The following RGS16 variants were observed in gnomAD, a reference collection of about 807,000 sequenced individuals.
RGS16 encodes regulator of G protein signaling 16.
RGS16 carries 12 observed loss-of-function variants against 18.1 expected under a neutral mutation model. The ratio of observed to expected loss-of-function variants is 0.66; its 90% CI spans 0.42 to 1.07. The LOEUF (loss-of-function observed/expected upper bound fraction) is 1.07. Ranked by LOEUF, RGS16 falls within the 50% of genes least tolerant of loss-of-function variation. The pLI, the probability that RGS16 is intolerant of heterozygous loss-of-function variation, is 0.00. For missense variants in RGS16, 238 were observed against 249.2 expected (o/e 0.95, Z 0.30); for synonymous variants, 88 against 102.0 (o/e 0.86, Z 0.83).
At chr1:182,603,186 C>G (rs1415897368) in intron 2 of RGS16, 43 bp downstream of exon 2, 3 of 1,418,806 alleles carry the variant, frequency 2.1e-6, no homozygotes, top group African/African-American at 2.8e-5. Context: ...TCCCTTCCCA[C>G]TCCCTTCCCT....
Position 182,600,355 on chromosome 1 carries a change from G to A in RGS16, c.546C>T (p.Ala182=), listed in dbSNP as rs1396792250. ...GAGTGGCAGAGGCGGCTGAGGCTTG[G>A]GCAGCCAGGTCCCGGTAAGCAGGCG... is the stretch of plus-strand genomic sequence containing the variant. ...LKSPAYRDLA[A]QASAASATLS... The change falls in exon 5 of 5, where the codon GCC becomes GCT. Residue 182 remains alanine (A), a synonymous_variant. Coordinates refer to ENST00000367558, the MANE Select transcript of RGS16 (RefSeq NM_002928.4). 1 of 1,613,914 alleles carries A rather than the reference G, an allele frequency of 6.2e-7. No homozygotes were observed. The highest frequency in any genetic ancestry group is 2.2e-5 in the East Asian group (1 of 44,856).
At chr1:182,602,740 C>T (rs909658808) in intron 2 of RGS16, among the ~76,000 whole-genome samples, 4 of 152,190 alleles carry the variant, frequency 2.6e-5, no homozygotes, top group African/African-American at 9.7e-5. Context: ...AAGCCTGTCT[C>T]GTCTCTGTCC....
Position 182,604,340 on chromosome 1 carries a change from C to T in RGS16, c.-81G>A. On this transcript the variant is annotated 5_prime_UTR_variant, in exon 1 of 5. Transcript: ENST00000367558. ...CTCCGCGTGCGCCAGGAAGCAAAGG[C>T]GCGGTAGCAGGTGCTAGTCAACTGC... The T allele has an allele frequency of 2.8e-6, 4 of 1,419,278 alleles. No individual in the cohort carries two copies. Among genetic ancestry groups the T allele is most frequent in the East Asian group, 2.6e-5 (1 of 38,186 alleles). The allele number at this position is 1,419,278 out of a possible 1,614,324, so 87.9% of individuals were successfully genotyped here.
chr1:182,598,747 C>T lies in RGS16; in HGVS notation c.*1545G>A, dbSNP rs551145321. 1 of 152,704 alleles carries T rather than the reference C, an allele frequency of 6.5e-6. No homozygotes were observed. The highest frequency in any genetic ancestry group is 6.5e-5 in the Admixed American group (1 of 15,292). The allele number at this position is 152,704 out of a possible 1,614,324, so 9.5% of individuals were successfully genotyped here. A position where few individuals can be genotyped will look rare whatever the true frequency, so the allele number is the denominator to read the frequency against. On this transcript the variant is annotated 3_prime_UTR_variant, in exon 5 of 5. Coordinates refer to ENST00000367558, the MANE Select transcript of RGS16 (RefSeq NM_002928.4). ...TTGTCACAATAAATAAATATTTAAA[C>T]AGTGAGGAGTTCCTGACAGGCTCCA... is the stretch of plus-strand genomic sequence containing the variant.
At chr1:182,601,844 C>T (rs1468651308) in intron 4 of RGS16, 122 bp downstream of exon 4, 2 of 1,230,544 alleles carry the variant, frequency 1.6e-6, no homozygotes, top group Non-Finnish European at 2.4e-6. Flanking sequence ...CCCAGTCACC[C>T]CTGTGCCAAG....
At position 182,601,989 on chromosome 1, in the gene RGS16, T is replaced by C; in HGVS notation, c.364A>G (p.Ile122Val). The change falls in exon 4 of 5, where the codon ATT becomes GTT. Residue 122 changes from isoleucine to valine, a missense_variant. Physicochemically the swap from Ile to Val is conservative, Grantham distance 29 (BLOSUM62 3). Coordinates refer to ENST00000367558, the MANE Select transcript of RGS16 (RefSeq NM_002928.4). ...SRAHQIFEEFICSEAPKEVNI... is the reference protein window; with the variant it reads ...SRAHQIFEEFVCSEAPKEVNI... ...ACCTCTTTAGGGGCCTCACTGCAAA[T>C]GAACTCCTCAAAGATCTGGTGTGCC... 6.2e-7 allele frequency: 1 copy of C among 1,614,110 alleles called. No homozygotes were observed. Among genetic ancestry groups the C allele is most frequent in the Non-Finnish European group, 8.5e-7 (1 of 1,180,012 alleles).
Position 182,602,015 on chromosome 1 carries a change from C to G in RGS16, c.338G>C (p.Arg113Thr). The G allele has an allele frequency of 6.2e-7, 1 of 1,614,166 alleles. No individual in the cohort carries two copies. Among genetic ancestry groups the G allele is most frequent in the Non-Finnish European group, 8.5e-7 (1 of 1,180,038 alleles). The change falls in exon 4 of 5, where the codon AGG (arginine) becomes ACG (threonine). Residue 113 changes from arginine to threonine, a missense_variant. Arg to Thr is a moderately conservative substitution (Grantham distance 71, BLOSUM62 -1). Coordinates refer to ENST00000367558, the MANE Select transcript of RGS16 (RefSeq NM_002928.4). ...KIRSATKLAS[R>T]AHQIFEEFIC... ...GAACTCCTCAAAGATCTGGTGTGCC[C>G]TGGAGGCCAGCTTGGTAGCTGATCG... is the stretch of plus-strand genomic sequence containing the variant.
rs143272517 is a variant in RGS16 at position 182,602,113 on chromosome 1, G to A, written c.240C>T (p.His80=). 1.6e-4 allele frequency: 258 copies of A among 1,614,176 alleles called. 1 individual carries two copies. The Admixed American group carries it at 4.0e-3, about 25-fold the overall frequency. Residue 80 remains histidine, a synonymous_variant, in exon 4 of 5, where the codon CAC becomes CAT. Transcript: ENST00000367558. ...LSSKNGVAAF[H]AFLKTEFSEE... is the part of the protein sequence containing the mutation. ...CACTGAACTCTGTCTTCAGGAAAGC[G>A]TGGAAGGCAGCCACTCCATCTGGGG...
intron 3 of RGS16, 86 bp from the exon 4 acceptor site, chr1:182,602,218 G>T: frequency 7.0e-7 from 1 of 1,429,788 alleles, no homozygotes; most frequent in Non-Finnish European, 9.8e-7. Context: ...TGCAATTAAT[G>T]GCTCTATTTT....
rs929057729 is a variant in RGS16 at position 182,599,524 on chromosome 1, C to G, written c.*768G>C. 1 of 152,674 alleles carries G rather than the reference C, an allele frequency of 6.5e-6. No homozygotes were observed. The highest frequency in any genetic ancestry group is 2.4e-5 in the African/African-American group (1 of 41,458). 9.5% of individuals were successfully genotyped at this position (152,674 alleles called of 1,614,324 possible). On this transcript the variant is annotated 3_prime_UTR_variant, in exon 5 of 5. Transcript: ENST00000367558. ...AGGGCGGGCCTGCTCACAGGTGGAC[C>G]CTGCTGCAACGCAGGGTCAGGGGCC...
Position 182,600,085 on chromosome 1 carries a change from C to T in RGS16, c.*207G>A, listed in dbSNP as rs1044551130. ...ATTCACAGGTCCTGGAAGTGGGCGG[C>T]TCCTCTCCAGCATGAGTCCCACAGT... On this transcript the variant is annotated 3_prime_UTR_variant, in exon 5 of 5. Coordinates refer to ENST00000367558, the MANE Select transcript of RGS16 (RefSeq NM_002928.4). 10 of 588,956 alleles carry T rather than the reference C, an allele frequency of 1.7e-5. No homozygotes were observed. Among genetic ancestry groups the T allele is most frequent in the Non-Finnish European group, 3.0e-5 (10 of 333,410 alleles). 36.5% of individuals were successfully genotyped at this position (588,956 alleles called of 1,614,324 possible).
At chr1:182,603,128 G>T in intron 2 of RGS16, 101 bp downstream of exon 2, 1 of 842,882 alleles carries the variant, frequency 1.2e-6, no homozygotes, top group Non-Finnish European at 2.0e-6. Flanking sequence ...TGTTGCCAAG[G>T]TCCACTTAGC....
rs372440489 is a variant in RGS16, at chr1:182,604,366, G to A, written c.-107C>T. ...GCGGTAGCAGGTGCTAGTCAACTGCGGTTGGGTTTAGCAGCCTGCAAGCGC... is the reference window on the plus strand; with the variant it reads ...GCGGTAGCAGGTGCTAGTCAACTGCAGTTGGGTTTAGCAGCCTGCAAGCGC... On this transcript the variant is annotated 5_prime_UTR_variant, in exon 1 of 5. Transcript: ENST00000367558. 118 of 1,199,648 alleles carry A rather than the reference G, an allele frequency of 9.8e-5. No homozygotes were observed. The African/African-American group carries it at 1.6e-3, about 17-fold the overall frequency. The allele number at this position is 1,199,648 out of a possible 1,614,324, so 74.3% of individuals were successfully genotyped here.
At chr1:182,600,601 A>G (rs903616989) in intron 4 of RGS16, 88 bp from the exon 5 acceptor site, 5 of 1,051,996 alleles carry the variant, frequency 4.8e-6, no homozygotes, top group African/African-American at 3.1e-5. Flanking sequence ...GGCATTGGAA[A>G]GAGCATCGGA....
chr1:182,600,678 A>G (rs1661849595), intron 4 of RGS16, among the ~76,000 whole-genome samples, 165 bp from the exon 5 acceptor site: 1 of 152,174 alleles, frequency 6.6e-6, no homozygotes, highest in African/African-American at 2.4e-5. Context: ...TTGTACCCAC[A>G]TCTGATCCAG....
In RGS16 at chr1:182,599,740, G is replaced by A. The variant is rs1661827838; in HGVS notation, c.*552C>T. 1 of 157,900 alleles carries A rather than the reference G, an allele frequency of 6.3e-6. No homozygotes were observed. Among genetic ancestry groups the A allele is most frequent in the African/African-American group, 2.4e-5 (1 of 41,424 alleles). 9.8% of individuals were successfully genotyped at this position (157,900 alleles called of 1,614,324 possible). ...GACAGACACACAGGAGTGTTACGAGGTACAAGCTAAGGGACTCTGGGCTAG... is the reference window on the plus strand; with the variant it reads ...GACAGACACACAGGAGTGTTACGAGATACAAGCTAAGGGACTCTGGGCTAG... On this transcript the variant is annotated 3_prime_UTR_variant, in exon 5 of 5. Transcript: ENST00000367558.
In RGS16 at chr1:182,604,284, A is replaced by G; in HGVS notation, c.-25T>C. ...TGGCTGCGGGCGCAGGGCAGCACGTAGTAGGCAGGATGGTGGCAGGCTCCA... is the reference window on the plus strand; with the variant it reads ...TGGCTGCGGGCGCAGGGCAGCACGTGGTAGGCAGGATGGTGGCAGGCTCCA... On this transcript the variant is annotated 5_prime_UTR_variant, in exon 1 of 5. Coordinates refer to ENST00000367558, the MANE Select transcript of RGS16 (RefSeq NM_002928.4). 6.5e-7 allele frequency: 1 copy of G among 1,546,286 alleles called. No homozygotes were observed. The highest frequency in any genetic ancestry group is 8.7e-7 in the Non-Finnish European group (1 of 1,144,926).
Position 182,599,726 on chromosome 1 carries a change from A to G in RGS16, c.*566T>C. 6.4e-6 allele frequency: 1 copy of G among 156,728 alleles called. No homozygotes were observed. The allele number at this position is 156,728 out of a possible 1,614,324, so 9.7% of individuals were successfully genotyped here. A position where few individuals can be genotyped will look rare whatever the true frequency, so the allele number is the denominator to read the frequency against. ...TGACTGCAAGGCTGGACAGACACACAGGAGTGTTACGAGGTACAAGCTAAG... is the reference window on the plus strand; with the variant it reads ...TGACTGCAAGGCTGGACAGACACACGGGAGTGTTACGAGGTACAAGCTAAG... On this transcript the variant is annotated 3_prime_UTR_variant, in exon 5 of 5. Transcript: ENST00000367558.
chr1:182,602,210 C>A, intron 3 of RGS16, 78 bp from the exon 4 acceptor site: 1 of 1,452,736 alleles, frequency 6.9e-7, no homozygotes, highest in Non-Finnish European at 9.6e-7. Context: ...AAAGCAATTG[C>A]AATTAATGGC....
Sources: gnomAD v4.1 joint callset for allele counts (sites outside exome capture counted in the v4.1 genomes callset) on GRCh38, gnomAD v4.1.1 for gene constraint, MANE v1.5 for transcripts, NCBI Gene and HGNC (gene_info 2026-07-23, HGNC 2026-07-21) for gene names.